The following HEATR5A variants were observed in gnomAD, a reference collection of about 807,000 sequenced individuals.
HEATR5A encodes HEAT repeat containing 5A.
In HEATR5A, 178 loss-of-function variants were observed where a neutral mutation model predicts 218.8. The ratio of observed to expected loss-of-function variants is 0.81; its 90% CI spans 0.72 to 0.92. HEATR5A has a LOEUF of 0.92. Ranked by LOEUF, HEATR5A falls within the 40% of genes least tolerant of loss-of-function variation. The probability of loss-of-function intolerance (pLI) is 0.00; values close to 1 mark genes in which losing one functional copy is unlikely to be tolerated. For synonymous variants in HEATR5A, 864 were observed against 871.6 expected, an observed-to-expected ratio of 0.99 and a Z score of 0.15; for missense variants, 2,420 against 2,418.9, an observed-to-expected ratio of 1.00 and a Z score of -0.01.
At chr14:31,359,166 A>G in intron 14 of HEATR5A, 109 bp from the exon 15 acceptor site, 1 of 1,005,826 alleles carries the variant, frequency 9.9e-7, no homozygotes, top group Non-Finnish European at 1.5e-6. Context: ...ACTTTAACAT[A>G]TCACAGCCAA....
At position 31,364,152 on chromosome 14, in the gene HEATR5A, C is replaced by T. The variant is rs371140837; in HGVS notation, c.2071+37G>A. ...ACTATTGTTCCAGAAACCATACTAGCCACAAACAAAAAAACATTTTGGTCT... is the reference window on the plus strand; with the variant it reads ...ACTATTGTTCCAGAAACCATACTAGTCACAAACAAAAAAACATTTTGGTCT... On this transcript the variant is annotated intron_variant, in intron 14 of 35. Coordinates refer to ENST00000543095, the MANE Select transcript of HEATR5A (RefSeq NM_015473.4). 8 of 857,354 alleles carry T rather than the reference C, an allele frequency of 9.3e-6. No individual in the cohort carries two copies. The East Asian group carries it at 1.6e-4, about 17-fold the overall frequency. 53.1% of individuals were successfully genotyped at this position (857,354 alleles called of 1,614,324 possible). A position where few individuals can be genotyped will look rare whatever the true frequency, so the allele number is the denominator to read the frequency against.
intron 16 of HEATR5A, 72 bp downstream of exon 16, chr14:31,358,565 A>G: frequency 1.5e-6 from 2 of 1,300,968 alleles, no homozygotes; most frequent in Non-Finnish European, 1.1e-6. Context: ...TACGCTAATG[A>G]GATCTCTGGC....
chr14:31,412,969 T>C (rs181774207), intron 1 of HEATR5A, among the ~76,000 whole-genome samples: 1 of 152,326 alleles, frequency 6.6e-6, no homozygotes, highest in Non-Finnish European at 1.5e-5. Context: ...ATTTTAAAAT[T>C]TGATTTACGG....
Position 31,326,019 on chromosome 14 carries a change from A to T in HEATR5A, c.3547+144T>A, listed in dbSNP as rs1198504989. On this transcript the variant is annotated intron_variant, in intron 23 of 35. Transcript: ENST00000543095. The stretch of plus-strand genomic sequence containing the variant: ...GAGAATTCTAAAACACTAGAAATAC[A>T]ATCTTCATTTGAAGAAAAGCAACAA... 4.6e-6 allele frequency: 3 copies of T among 652,008 alleles called. No homozygotes were observed. In the African/African-American group the frequency reaches 5.4e-5, roughly 12 times the overall value. The allele number at this position is 652,008 out of a possible 1,614,324, so 40.4% of individuals were successfully genotyped here. A position where few individuals can be genotyped will look rare whatever the true frequency, so the allele number is the denominator to read the frequency against.
intron 10 of HEATR5A, among the ~76,000 whole-genome samples, chr14:31,381,587 A>G (rs2029987517): frequency 6.7e-6 from 1 of 149,140 alleles, no homozygotes; most frequent in South Asian, 2.1e-4. Context: ...AAAAAGGACC[A>G]GCCTGGGCAA....
chr14:31,393,908 A>T, intron 6 of HEATR5A, 144 bp downstream of exon 6: 2 of 576,950 alleles, frequency 3.5e-6, no homozygotes, highest in South Asian at 2.5e-5. Flanking sequence ...TTGGCCTCCC[A>T]AAGTGCTGGG....
Position 31,393,251 on chromosome 14 carries a change from T to C in HEATR5A, c.772+801A>G, listed in dbSNP as rs8014061. Among the ~76,000 whole-genome samples, 1,224 of 152,294 alleles carry C rather than the reference T, an allele frequency of 8.0e-3. 15 individuals carry two copies. The highest frequency in any genetic ancestry group is 0.028 in the African/African-American group (1,158 of 41,568). ...TGGCTGGGGGGTGGTGGCTCACGCC[T>C]GTAATCCCAGCACTTTGGGAGGCCA... On this transcript the variant is annotated intron_variant, in intron 6 of 35. Coordinates refer to ENST00000543095, the MANE Select transcript of HEATR5A (RefSeq NM_015473.4).
At chr14:31,322,537 G>A (rs544988890) in intron 24 of HEATR5A, among the ~76,000 whole-genome samples, 21 of 152,256 alleles carry the variant, frequency 1.4e-4, no homozygotes, top group Middle Eastern at 3.4e-3. Flanking sequence ...TATGCACTGT[G>A]GACAGGTGTG....
chr14:31,387,431 C>T, intron 7 of HEATR5A, 56 bp from the exon 8 acceptor site: 1 of 1,265,170 alleles, frequency 7.9e-7, no homozygotes. Flanking sequence ...TCTGTATTCT[C>T]CCCCACAAAA....
chr14:31,309,188 GCAAA>G lies in HEATR5A; in HGVS notation c.4442-10_4442-7del, dbSNP rs1397105153. 4 of 1,607,762 alleles carry G rather than the reference GCAAA, an allele frequency of 2.5e-6. No individual in the cohort carries two copies. Among genetic ancestry groups the G allele is most frequent in the Non-Finnish European group, 3.4e-6 (4 of 1,175,908 alleles). ...TGCTGTGTAGAAAGCACCACCTAAA[GCAAA>G]CAGTTTCAGGAAAAATAAGAGATTA... On this transcript the variant is annotated splice_polypyrimidine_tract_variant and splice_region_variant and intron_variant, in intron 28 of 35. Coordinates refer to ENST00000543095, the MANE Select transcript of HEATR5A (RefSeq NM_015473.4).
At chr14:31,315,665 A>G in intron 27 of HEATR5A, 105 bp downstream of exon 27, 2 of 783,362 alleles carry the variant, frequency 2.6e-6, no homozygotes, top group Non-Finnish European at 3.9e-6. Context: ...TAACCTTAAA[A>G]ATGAACTTAT....
chr14:31,365,731 C>G (rs141851400), intron 13 of HEATR5A, among the ~76,000 whole-genome samples: 1,744 of 151,888 alleles, frequency 0.011, 19 homozygotes, highest in African/African-American at 0.035. Context: ...GTGGCGTGAT[C>G]TCAGCTCACT....
At chr14:31,340,499 C>A (rs1317728359) in intron 21 of HEATR5A, 1 of 1,283,566 alleles carries the variant, frequency 7.8e-7, no homozygotes, top group Non-Finnish European at 1.0e-6. Flanking sequence ...AAATGACACA[C>A]CAGTCATGAC....
At chr14:31,326,100 C>T (rs1185387015) in intron 23 of HEATR5A, 63 bp downstream of exon 23, 3 of 1,331,384 alleles carry the variant, frequency 2.3e-6, no homozygotes, top group Non-Finnish European at 3.2e-6. Flanking sequence ...CAGTGGTAAA[C>T]AATTTTATGT....
In HEATR5A at chr14:31,306,861, G is replaced by T; in HGVS notation, c.4837C>A (p.Leu1613Met). ...GSDQDLGIEL[L>M]NVLHRVILTR... ...AAAATTACTCGATGTAGAACATTCA[G>T]CAATTCTATACCCAAGTCCTATCAT... Residue 1613 changes from leucine (L) to methionine (M), a missense_variant, in exon 31 of 36, where the codon CTG (leucine) becomes ATG (methionine). Leu to Met is a conservative substitution (Grantham distance 15). Coordinates refer to ENST00000543095, the MANE Select transcript of HEATR5A (RefSeq NM_015473.4). 3.7e-6 allele frequency: 6 copies of T among 1,611,458 alleles called. No individual in the cohort carries two copies. The highest frequency in any genetic ancestry group is 5.1e-6 in the Non-Finnish European group (6 of 1,178,322).
At chr14:31,321,146 C>T (rs1235178956) in intron 25 of HEATR5A, among the ~76,000 whole-genome samples, 1 of 151,714 alleles carries the variant, frequency 6.6e-6, no homozygotes, top group Non-Finnish European at 1.5e-5. Flanking sequence ...TTAACTTTCC[C>T]ATCCTCAGAC....
At chr14:31,304,022 C>T (rs1899474261) in intron 32 of HEATR5A, among the ~76,000 whole-genome samples, 2 of 151,786 alleles carry the variant, frequency 1.3e-5, no homozygotes, top group African/African-American at 4.8e-5. Context: ...CCTGGCAACA[C>T]AGCAAGACCC....
chr14:31,320,468 G>A, intron 25 of HEATR5A: 1 of 1,363,328 alleles, frequency 7.3e-7, no homozygotes, highest in Admixed American at 1.7e-5. Flanking sequence ...GACAACACTG[G>A]TCTGGAACTC....
chr14:31,387,200 C>T lies in HEATR5A; in HGVS notation c.1109G>A (p.Gly370Asp). ...CTGAGCCTTTTCTCCAAGAAGACCACCTATAGTAGTTCGAAGAATAAATGA... is the reference window on the plus strand; with the variant it reads ...CTGAGCCTTTTCTCCAAGAAGACCATCTATAGTAGTTCGAAGAATAAATGA... ...CVSFILRTTI[G>D]GLLGEKAQLA... Residue 370 changes from glycine to aspartate, a missense_variant, in exon 8 of 36, where the codon GGT (glycine) becomes GAT (aspartate). Coordinates refer to ENST00000543095, the MANE Select transcript of HEATR5A (RefSeq NM_015473.4). The T allele has an allele frequency of 6.2e-7, 1 of 1,613,886 alleles. No individual in the cohort carries two copies. The highest frequency in any genetic ancestry group is 8.5e-7 in the Non-Finnish European group (1 of 1,179,830).
Sources: gnomAD v4.1 joint callset for allele counts (sites outside exome capture counted in the v4.1 genomes callset) on GRCh38, gnomAD v4.1.1 for gene constraint, MANE v1.5 for transcripts, NCBI Gene and HGNC (gene_info 2026-07-23, HGNC 2026-07-21) for gene names.